The following PLEKHG4B variants were observed in gnomAD, a reference collection of about 807,000 sequenced individuals.
PLEKHG4B encodes the protein pleckstrin homology and RhoGEF domain containing G4B.
A neutral mutation model predicts 121.3 loss-of-function variants in PLEKHG4B; 111 were observed. The ratio of observed to expected loss-of-function variants is 0.92; its 90% CI spans 0.78 to 1.07. The LOEUF is 1.07. Among genes scored for constraint, PLEKHG4B ranks in the 50% least tolerant of loss-of-function variants. The probability of loss-of-function intolerance (pLI) is 0.00; values close to 1 mark genes in which losing one functional copy is unlikely to be tolerated. For synonymous variants in PLEKHG4B, 738 were observed against 725.0 expected (o/e 1.02, Z -0.29); for missense variants, 1,831 against 1,757.8 (o/e 1.04, Z -0.74).
At chr5:135,834 G>C (rs964641334) in intron 2 of PLEKHG4B, among the ~76,000 whole-genome samples, 4 of 149,754 alleles carry the variant, frequency 2.7e-5, no homozygotes, top group Middle Eastern at 3.2e-3. Flanking sequence ...AACTCAAGTG[G>C]AATCTCAGGA....
intron 2 of PLEKHG4B, among the ~76,000 whole-genome samples, chr5:138,821 A>C (rs111721342): frequency 6.6e-6 from 1 of 152,228 alleles, no homozygotes; most frequent in African/African-American, 2.4e-5. Context: ...GAAAATAAAC[A>C]CTCAACAGTT....
rs1294673118 is a variant in PLEKHG4B, at chr5:186,862, C to G, written c.*4539C>G. The G allele has an allele frequency of 6.6e-6, 1 of 152,592 alleles. No homozygotes were observed. The highest frequency in any genetic ancestry group is 1.5e-5 in the Non-Finnish European group (1 of 68,364). The allele number at this position is 152,592 out of a possible 1,614,324, so 9.5% of individuals were successfully genotyped here. ...GGGGATTCCTGCCCCCCGTCCATGC[C>G]TCAGCACTGGGAGCTGGGAAGGTGT... On this transcript the variant is annotated 3_prime_UTR_variant, in exon 20 of 20. Transcript: ENST00000637938.
chr5:109,235 G>A (rs1212514168), intron 1 of PLEKHG4B, among the ~76,000 whole-genome samples: 1 of 151,876 alleles, frequency 6.6e-6, no homozygotes, highest in East Asian at 1.9e-4. Context: ...ACTGAAAATA[G>A]CAAAATTAGC....
rs185255672 is a variant in PLEKHG4B at position 173,988 on chromosome 5, G to T, written c.4292G>T (p.Arg1431Leu). Residue 1431 changes from arginine (R) to leucine (L), a missense_variant, in exon 18 of 20, where the codon CGG (arginine) becomes CTG (leucine). By Grantham distance (102) the Arg-to-Leu change is moderately radical. Coordinates refer to ENST00000637938, the MANE Select transcript of PLEKHG4B (RefSeq NM_052909.5). ...AGGTTTGAGATTTGGTTTCGCAGGC[G>T]GCGGAAATCTCAGGACACCTACATT... ...GLRFEIWFRRRRKSQDTYILQ... is the reference protein window; with the variant it reads ...GLRFEIWFRRLRKSQDTYILQ... 6.2e-7 allele frequency: 1 copy of T among 1,612,266 alleles called. No individual in the cohort carries two copies. Among genetic ancestry groups the T allele is most frequent in the East Asian group, 2.2e-5 (1 of 44,758 alleles).
intron 1 of PLEKHG4B, among the ~76,000 whole-genome samples, chr5:93,855 T>C (rs949015719): frequency 7.8e-4 from 119 of 152,280 alleles, no homozygotes; most frequent in African/African-American, 2.7e-3. Flanking sequence ...CTGAGACCTG[T>C]ATTCACAGGT....
rs752906870 is a variant in PLEKHG4B, at chr5:157,723, T to C, written c.2487+812T>C. On this transcript the variant is annotated intron_variant, in intron 11 of 19. Coordinates refer to ENST00000637938, the MANE Select transcript of PLEKHG4B (RefSeq NM_052909.5). The surrounding 1 kb of genome is among the most constrained non-coding windows in gnomAD (Gnocchi z 4.6). ...TGCACACTCAGATAAAAAGTTTCTT[T>C]CTTTTCTCACATATAAACTCTTCAA... Among the ~76,000 whole-genome samples the C allele has an allele frequency of 1.3e-5, 2 of 152,334 alleles. No homozygotes were observed. The highest frequency in any genetic ancestry group is 3.4e-3 in the Middle Eastern group (1 of 294).
At chr5:118,701 A>G (rs1734376979) in intron 2 of PLEKHG4B, among the ~76,000 whole-genome samples, 1 of 152,156 alleles carries the variant, frequency 6.6e-6, no homozygotes, top group Non-Finnish European at 1.5e-5. Context: ...TCCTTTCCAG[A>G]GGTTTACAAT....
chr5:109,282 A>T (rs1324548179), intron 1 of PLEKHG4B, among the ~76,000 whole-genome samples: 1 of 151,852 alleles, frequency 6.6e-6, no homozygotes, highest in East Asian at 1.9e-4. Context: ...CTGTAGTCCC[A>T]GCTACTCGGA....
rs1429536727 is a variant in PLEKHG4B, at chr5:171,215, A to G, written c.3821A>G (p.Asp1274Gly). The change falls in exon 16 of 20, where the codon GAC becomes GGC. Residue 1274 changes from aspartate to glycine, a missense_variant and splice_region_variant. Asp to Gly is a moderately conservative substitution (Grantham distance 94). Coordinates refer to ENST00000637938, the MANE Select transcript of PLEKHG4B (RefSeq NM_052909.5). Reference protein sequence around the residue: ...LSSHGNAFFKDKQRELGDKMD... With the variant: ...LSSHGNAFFKGKQRELGDKMD... ...GACCCTCTCACCCGGCCCTTGCAGG[A>G]CAAGCAGCGGGAGCTAGGTGACAAA... 14 of 1,604,414 alleles carry G rather than the reference A, an allele frequency of 8.7e-6. No individual in the cohort carries two copies. The highest frequency in any genetic ancestry group is 1.2e-5 in the Non-Finnish European group (14 of 1,173,708).
rs746898073 is a variant in PLEKHG4B, at chr5:169,569, G to A, written c.3706G>A (p.Val1236Met). 23 of 1,613,388 alleles carry A rather than the reference G, an allele frequency of 1.4e-5. No homozygotes were observed. Among genetic ancestry groups the A allele is most frequent in the South Asian group, 5.5e-5 (5 of 91,096 alleles). ...LERCQHCPLAVGRSFLRHEEQ... is the reference protein window; with the variant it reads ...LERCQHCPLAMGRSFLRHEEQ... ...GCGCTGCCAGCACTGCCCCTTGGCC[G>A]TGGGCCGCAGTTTCCTGAGACACGT... Residue 1236 changes from valine to methionine, a missense_variant, in exon 14 of 20, where the codon GTG (valine) becomes ATG (methionine). By Grantham distance (21) the Val-to-Met change is conservative. Transcript: ENST00000637938.
chr5:164,488 CTAATGCTCTG>C (rs1736175609), intron 13 of PLEKHG4B, among the ~76,000 whole-genome samples: 1 of 100,070 alleles, frequency 1.0e-5, no homozygotes, highest in Non-Finnish European at 2.0e-5. Context: ...AGAGCTCACA[CTAATGCTCTG>C]ACAGGGGGCG....
At chr5:180,795 A>G (rs1736907989) in intron 18 of PLEKHG4B, among the ~76,000 whole-genome samples, 1 of 152,156 alleles carries the variant, frequency 6.6e-6, no homozygotes. Flanking sequence ...CCGGGCAGCC[A>G]CACTCAGCCC....
intron 1 of PLEKHG4B, among the ~76,000 whole-genome samples, chr5:102,678 C>T (rs1227633556): frequency 6.6e-6 from 1 of 152,244 alleles, no homozygotes; most frequent in Admixed American, 6.5e-5. Flanking sequence ...GCCTGCAGAA[C>T]GCTGAGCCAA....
At chr5:108,190 A>T (rs933394688) in intron 1 of PLEKHG4B, among the ~76,000 whole-genome samples, 3 of 152,136 alleles carry the variant, frequency 2.0e-5, no homozygotes, top group Non-Finnish European at 2.9e-5. Context: ...AATCTCTCTA[A>T]ATCTACTCAG....
chr5:151,622 C>T lies in PLEKHG4B; in HGVS notation c.1992+23C>T, dbSNP rs778215518. On this transcript the variant is annotated intron_variant, in intron 7 of 19. Coordinates refer to ENST00000637938, the MANE Select transcript of PLEKHG4B (RefSeq NM_052909.5). ...CAGGTAATGGTTTAGACTGTGGGAT[C>T]CTGAGTGATGGATAAAATTAAACAT... 3.4e-6 allele frequency: 5 copies of T among 1,453,806 alleles called. No individual in the cohort carries two copies. In the Admixed American group the frequency reaches 7.5e-5, roughly 22 times the overall value. 90.1% of individuals were successfully genotyped at this position (1,453,806 alleles called of 1,614,324 possible).
In PLEKHG4B at chr5:159,309, G is replaced by A. The variant is rs1043508384; in HGVS notation, c.2487+2398G>A. Reference sequence around the variant, plus strand: ...TGCCTGAGGGTCGCCCAGGTGCACCGAGGGCAGGTGTGCTCTTTGTGTCTG... The same window carrying A: ...TGCCTGAGGGTCGCCCAGGTGCACCAAGGGCAGGTGTGCTCTTTGTGTCTG... On this transcript the variant is annotated intron_variant, in intron 11 of 19. Transcript: ENST00000637938. The surrounding 1 kb of genome is among the most constrained non-coding windows in gnomAD (Gnocchi z 5.5). Among the ~76,000 whole-genome samples, 8 of 141,314 alleles carry A rather than the reference G, an allele frequency of 5.7e-5. No homozygotes were observed. Among genetic ancestry groups the A allele is most frequent in the Non-Finnish European group, 9.1e-5 (6 of 65,670 alleles). The allele number at this position is 141,314 out of a possible 152,430, so 92.7% of individuals were successfully genotyped here. A position where few individuals can be genotyped will look rare whatever the true frequency, so the allele number is the denominator to read the frequency against.
At chr5:163,592 G>A (rs768874267) in intron 13 of PLEKHG4B, 44 bp downstream of exon 13, 2 of 1,448,126 alleles carry the variant, frequency 1.4e-6, no homozygotes, top group Non-Finnish European at 1.8e-6. Context: ...AGTCCTTGGG[G>A]ATCTAGAAAC....
Position 171,342 on chromosome 5 carries a change from G to A in PLEKHG4B, c.3948G>A (p.Gln1316=), listed in dbSNP as rs1238554087. 1.2e-6 allele frequency: 2 copies of A among 1,612,478 alleles called. No homozygotes were observed. The highest frequency in any genetic ancestry group is 1.7e-6 in the Non-Finnish European group (2 of 1,179,820). ...AGGAGGCCAGCTGTGGCCTGGCCCA[G>A]GGGCAGGAGCTGGGCGAGCTCCGAG... The part of the protein sequence containing the change: ...LLKEASCGLA[Q]GQELGELRAA... The change falls in exon 16 of 20, where the codon CAG becomes CAA. Residue 1316 remains glutamine, a synonymous_variant. Transcript: ENST00000637938.
chr5:110,790 G>A (rs376321321), intron 1 of PLEKHG4B, among the ~76,000 whole-genome samples: 2 of 152,224 alleles, frequency 1.3e-5, no homozygotes, highest in African/African-American at 2.4e-5. Context: ...GCACACACCC[G>A]CACCGTCTGT....
Sources: gnomAD v4.1 joint callset for allele counts (sites outside exome capture counted in the v4.1 genomes callset) on GRCh38, gnomAD v4.1.1 for gene constraint, Gnocchi (gnomAD v3.1) non-coding constraint, MANE v1.5 for transcripts, NCBI Gene and HGNC (gene_info 2026-07-23, HGNC 2026-07-21) for gene names.